Variants in ARHGAP26 observed in about 807,000 individuals in gnomAD.
ARHGAP26 encodes the protein rho GTPase-activating protein 26.
Under a neutral mutation model 104.8 loss-of-function variants are expected in ARHGAP26, and 38 were observed. The ratio of observed to expected loss-of-function variants is 0.36; its 90% confidence interval spans 0.28 to 0.48. ARHGAP26 has a LOEUF of 0.48. ARHGAP26 is among the 20% of genes least tolerant of loss of function. The pLI, the probability that ARHGAP26 is intolerant of heterozygous loss-of-function variation, is 0.99. For synonymous variants in ARHGAP26, 341 were observed against 340.0 expected, an observed-to-expected ratio of 1.00 and a Z score of -0.03; for missense variants, 704 against 947.9, an observed-to-expected ratio of 0.74 and a Z score of 3.38.
At position 142,876,743 on chromosome 5, in the gene ARHGAP26, C is replaced by T. The variant is rs180755549; in HGVS notation, c.312+1572C>T. Among the ~76,000 whole-genome samples, 372 of 136,748 alleles carry T rather than the reference C, an allele frequency of 2.7e-3. 8 individuals carry two copies. The highest frequency in any genetic ancestry group is 5.9e-4 in the Non-Finnish European group (39 of 66,068). 89.7% of individuals were successfully genotyped at this position (136,748 alleles called of 152,430 possible). On this transcript the variant is annotated intron_variant, in intron 3 of 22. Transcript: ENST00000645722. The stretch of plus-strand genomic sequence containing the variant: ...AGTGATCTGTGATTGAACCATTGCA[C>T]TCCAGCCTGGGCAACAGAGCAAGAC...
intron 19 of ARHGAP26, among the ~76,000 whole-genome samples, chr5:143,140,176 A>G (rs781558988): frequency 2.0e-5 from 3 of 152,198 alleles, no homozygotes; most frequent in Non-Finnish European, 4.4e-5. Context: ...CCCTAGTGAT[A>G]CTGATGCTAA....
chr5:143,041,778 C>A, intron 13 of ARHGAP26, 38 bp from the exon 14 acceptor site: 2 of 1,495,448 alleles, frequency 1.3e-6, no homozygotes, highest in Non-Finnish European at 9.2e-7. Context: ...TGTGTTCTGA[C>A]GTGCCTCTAA....
At chr5:142,947,430 G>A (rs1414136099) in intron 11 of ARHGAP26, among the ~76,000 whole-genome samples, 1 of 152,162 alleles carries the variant, frequency 6.6e-6, no homozygotes, top group African/African-American at 2.4e-5. Context: ...TCCTACAGTA[G>A]TTGTTGGCTA....
At chr5:143,057,556 C>T in intron 16 of ARHGAP26, 86 bp from the exon 17 acceptor site, 1 of 1,057,924 alleles carries the variant, frequency 9.5e-7, no homozygotes. Flanking sequence ...TGTTAGTGCT[C>T]ATCCTTTGGT....
intron 1 of ARHGAP26, among the ~76,000 whole-genome samples, chr5:142,849,512 C>T (rs1751103305): frequency 6.6e-6 from 1 of 152,210 alleles, no homozygotes; most frequent in Non-Finnish European, 1.5e-5. Context: ...CTCCATGCTT[C>T]ATTCATCCCC....
chr5:143,094,185 T>C (rs1236093096), intron 17 of ARHGAP26, among the ~76,000 whole-genome samples: 1 of 152,236 alleles, frequency 6.6e-6, no homozygotes, highest in Non-Finnish European at 1.5e-5. Flanking sequence ...CCTTAGTATG[T>C]CCTAACCAAG....
intron 20 of ARHGAP26, among the ~76,000 whole-genome samples, chr5:143,159,172 T>C (rs1800884165): frequency 6.6e-6 from 1 of 152,134 alleles, no homozygotes; most frequent in Non-Finnish European, 1.5e-5. Flanking sequence ...AGCCAGACCT[T>C]TCAGAAATGG....
At chr5:143,181,837 A>G (rs1395894151) in intron 20 of ARHGAP26, among the ~76,000 whole-genome samples, 2 of 152,120 alleles carry the variant, frequency 1.3e-5, no homozygotes, top group Non-Finnish European at 2.9e-5. Flanking sequence ...CGATTCAGGA[A>G]TTTGTTTAAA....
At chr5:143,158,301 A>G (rs1053828683) in intron 20 of ARHGAP26, among the ~76,000 whole-genome samples, 5 of 152,240 alleles carry the variant, frequency 3.3e-5, no homozygotes, top group African/African-American at 1.2e-4. Flanking sequence ...TAAATTAACT[A>G]TAAATAATAA....
intron 10 of ARHGAP26, among the ~76,000 whole-genome samples, chr5:142,918,446 C>T (rs1026168307): frequency 6.6e-5 from 10 of 152,200 alleles, no homozygotes; most frequent in Non-Finnish European, 1.2e-4. Context: ...CGTGCCCGGC[C>T]GAGGATCCTT....
At chr5:143,112,767 A>G (rs1794921648) in intron 17 of ARHGAP26, among the ~76,000 whole-genome samples, 1 of 152,222 alleles carries the variant, frequency 6.6e-6, no homozygotes, top group South Asian at 2.1e-4. Flanking sequence ...AGATTCATCC[A>G]TGTCATAGTA....
At chr5:142,945,292 T>A (rs1210663410) in intron 11 of ARHGAP26, among the ~76,000 whole-genome samples, 1 of 152,224 alleles carries the variant, frequency 6.6e-6, no homozygotes, top group Admixed American at 6.5e-5. Flanking sequence ...TGTGCTTCTA[T>A]CTCAGAGAAG....
chr5:142,954,277 C>T (rs1768854887), intron 11 of ARHGAP26, among the ~76,000 whole-genome samples: 1 of 152,206 alleles, frequency 6.6e-6, no homozygotes, highest in South Asian at 2.1e-4. Flanking sequence ...GCAGAGCCCA[C>T]ATCAGGTTAT....
chr5:142,992,603 A>G (rs1775781553), intron 11 of ARHGAP26, among the ~76,000 whole-genome samples: 1 of 151,046 alleles, frequency 6.6e-6, no homozygotes. Context: ...AATTTTTTGT[A>G]TATTTAGTAG....
chr5:143,068,462 G>T (rs1016646187), intron 17 of ARHGAP26, among the ~76,000 whole-genome samples: 1 of 152,128 alleles, frequency 6.6e-6, no homozygotes, highest in African/African-American at 2.4e-5. Flanking sequence ...TGCGACAGGG[G>T]AACCCAGTGC....
intron 17 of ARHGAP26, among the ~76,000 whole-genome samples, chr5:143,087,351 A>G (rs1438567739): frequency 6.6e-6 from 1 of 152,216 alleles, no homozygotes; most frequent in Non-Finnish European, 1.5e-5. Flanking sequence ...CTATAAAAGG[A>G]TGAGTATCTA....
intron 17 of ARHGAP26, among the ~76,000 whole-genome samples, chr5:143,095,617 G>A (rs1005264702): frequency 3.9e-5 from 6 of 152,128 alleles, no homozygotes; most frequent in Non-Finnish European, 7.4e-5. Context: ...TTCTCAGGCT[G>A]GAGTGTTGTG....
chr5:143,050,983 CAGAAGGGACT>C (rs1784928139), intron 14 of ARHGAP26, among the ~76,000 whole-genome samples: 1 of 152,156 alleles, frequency 6.6e-6, no homozygotes, highest in Non-Finnish European at 1.5e-5. Flanking sequence ...GATCTCAAAA[CAGAAGGGACT>C]GTTAGAGATA....
intron 20 of ARHGAP26, among the ~76,000 whole-genome samples, chr5:143,155,375 C>T (rs1800352914): frequency 6.6e-6 from 1 of 152,156 alleles, no homozygotes; most frequent in Non-Finnish European, 1.5e-5. Context: ...TGAGTGGCTT[C>T]ATGTCCACTT....
Sources: allele counts gnomAD v4.1 joint callset (sites outside exome capture counted in the v4.1 genomes callset), GRCh38; gene constraint gnomAD v4.1.1; transcripts MANE v1.5; gene names NCBI Gene and HGNC (gene_info 2026-07-23, HGNC 2026-07-21).